Variants in KAT2B observed in about 807,000 individuals in gnomAD.
KAT2B encodes the protein lysine acetyltransferase 2B.
KAT2B carries 36 observed loss-of-function variants against 105.9 expected under a neutral mutation model. The ratio of observed to expected loss-of-function variants is 0.34; its 90% confidence interval spans 0.26 to 0.45. KAT2B has a LOEUF of 0.45. Ranked by LOEUF, KAT2B falls within the 20% of genes least tolerant of loss-of-function variation. The probability of loss-of-function intolerance (pLI) is 1.00; values close to 1 mark genes in which losing one functional copy is unlikely to be tolerated. For missense variants in KAT2B, 820 were observed against 1,021.6 expected (o/e 0.80, Z 2.69); for synonymous variants, 397 against 377.9 (o/e 1.05, Z -0.59).
intron 2 of KAT2B, among the ~76,000 whole-genome samples, chr3:20,077,844 T>C (rs1205900972): frequency 1.3e-5 from 2 of 152,166 alleles, no homozygotes; most frequent in Non-Finnish European, 2.9e-5. Flanking sequence ...TATTTTAGTA[T>C]TAATAAAGAT....
intron 7 of KAT2B, among the ~76,000 whole-genome samples, chr3:20,118,746 A>G (rs1343007491): frequency 0.059 from 5,009 of 85,170 alleles, 344 homozygotes; most frequent in African/African-American, 0.2. Context: ...AAAAAAAAAA[A>G]AGAGAGAGAG....
chr3:20,050,304 T>C (rs1320377880), intron 1 of KAT2B, among the ~76,000 whole-genome samples: 2 of 152,200 alleles, frequency 1.3e-5, no homozygotes. Context: ...AAAAAACTTT[T>C]AGTTGCATTA....
intron 1 of KAT2B, among the ~76,000 whole-genome samples, chr3:20,057,381 C>T (rs188066135): frequency 6.6e-6 from 1 of 152,260 alleles, no homozygotes; most frequent in African/African-American, 2.4e-5. Context: ...CAGATAATGA[C>T]TGATACCATG....
intron 8 of KAT2B, among the ~76,000 whole-genome samples, chr3:20,120,439 G>A (rs1033046235): frequency 6.6e-6 from 1 of 152,004 alleles, no homozygotes; most frequent in Non-Finnish European, 1.5e-5. Flanking sequence ...TATTGGTCAG[G>A]CTGGTCTCAA....
chr3:20,132,229 C>T (rs772671390), intron 11 of KAT2B, among the ~76,000 whole-genome samples: 3 of 152,096 alleles, frequency 2.0e-5, no homozygotes, highest in Non-Finnish European at 4.4e-5. Context: ...ACAAAATTAG[C>T]TGGGTGTGGT....
At chr3:20,151,503 A>G (rs982309585) in intron 17 of KAT2B, among the ~76,000 whole-genome samples, 3 of 152,092 alleles carry the variant, frequency 2.0e-5, no homozygotes, top group African/African-American at 7.2e-5. Context: ...ATAGCTTTTA[A>G]CAATAAAGCC....
intron 1 of KAT2B, among the ~76,000 whole-genome samples, chr3:20,050,729 A>C (rs1215733869): frequency 6.9e-6 from 1 of 144,708 alleles, no homozygotes; most frequent in African/African-American, 2.6e-5. Flanking sequence ...TTTGAGACGG[A>C]GTCTCGCTCT....
At chr3:20,044,372 G>A (rs1326690354) in intron 1 of KAT2B, among the ~76,000 whole-genome samples, 2 of 151,564 alleles carry the variant, frequency 1.3e-5, no homozygotes. Flanking sequence ...AGCTGTGATT[G>A]CACCGCTGTA....
At chr3:20,093,698 G>A (rs1262322186) in intron 2 of KAT2B, among the ~76,000 whole-genome samples, 4 of 152,094 alleles carry the variant, frequency 2.6e-5, no homozygotes, top group Non-Finnish European at 2.9e-5. Flanking sequence ...TTTTAAATAC[G>A]TATTTTAATC....
chr3:20,065,787 C>G (rs1381140193), intron 1 of KAT2B, among the ~76,000 whole-genome samples: 1 of 152,014 alleles, frequency 6.6e-6, no homozygotes. Context: ...GAGTTAGGAC[C>G]ACTTAGGGAT....
chr3:20,121,726 ATGCATATGTG>A (rs933342081), intron 8 of KAT2B, among the ~76,000 whole-genome samples: 2 of 121,090 alleles, frequency 1.7e-5, no homozygotes, highest in African/African-American at 6.4e-5. Flanking sequence ...ACATACACAT[ATGCATATGTG>A]TGTGTGTGTG....
chr3:20,084,432 T>G (rs963516783), intron 2 of KAT2B, among the ~76,000 whole-genome samples: 5 of 152,160 alleles, frequency 3.3e-5, no homozygotes, highest in African/African-American at 1.2e-4. Flanking sequence ...TACTCACCCT[T>G]TGTACAGGGG....
intron 5 of KAT2B, among the ~76,000 whole-genome samples, chr3:20,105,800 GAAAAA>G (rs35102951): frequency 1.1e-5 from 1 of 94,440 alleles, no homozygotes; most frequent in African/African-American, 4.2e-5. Context: ...GACCCTGTCT[GAAAAA>G]AAAAAAAAAA....
intron 2 of KAT2B, among the ~76,000 whole-genome samples, chr3:20,083,227 G>A (rs964510218): frequency 6.7e-5 from 10 of 150,218 alleles, no homozygotes; most frequent in African/African-American, 2.0e-4. Flanking sequence ...GTGCATTGTA[G>A]TTTATAGATT....
chr3:20,091,535 G>T (rs181397948), intron 2 of KAT2B, among the ~76,000 whole-genome samples: 1 of 151,686 alleles, frequency 6.6e-6, no homozygotes, highest in Admixed American at 6.6e-5. Context: ...ACTAACTTTG[G>T]ACTTTAGTTC....
At chr3:20,061,407 T>G (rs1299167233) in intron 1 of KAT2B, among the ~76,000 whole-genome samples, 1 of 152,180 alleles carries the variant, frequency 6.6e-6, no homozygotes, top group African/African-American at 2.4e-5. Flanking sequence ...TGGACCTTCT[T>G]GCTGTTGTGC....
intron 5 of KAT2B, among the ~76,000 whole-genome samples, chr3:20,105,441 G>A (rs1698983477): frequency 6.6e-6 from 1 of 152,014 alleles, no homozygotes; most frequent in Non-Finnish European, 1.5e-5. Flanking sequence ...TAGAACTTTT[G>A]AAAGTTAAAG....
At chr3:20,052,872 A>G (rs1697939564) in intron 1 of KAT2B, among the ~76,000 whole-genome samples, 1 of 152,174 alleles carries the variant, frequency 6.6e-6, no homozygotes, top group African/African-American at 2.4e-5. Context: ...GCTATTCGGG[A>G]GGCTGAGGCA....
intron 11 of KAT2B, among the ~76,000 whole-genome samples, chr3:20,132,430 T>C (rs1699527594): frequency 6.6e-6 from 1 of 152,236 alleles, no homozygotes; most frequent in African/African-American, 2.4e-5. Flanking sequence ...ATGTAGCTAA[T>C]GTTTATTTAC....
Sources: gnomAD v4.1 joint callset for allele counts (sites outside exome capture counted in the v4.1 genomes callset) on GRCh38, gnomAD v4.1.1 for gene constraint, MANE v1.5 for transcripts, NCBI Gene and HGNC (gene_info 2026-07-23, HGNC 2026-07-21) for gene names.